CSMD1: variants seen among roughly 807,000 people sequenced by gnomAD.
CSMD1 encodes CUB and Sushi multiple domains 1, also known as CUB and sushi domain-containing protein 1.
A neutral mutation model predicts 417.5 loss-of-function variants in CSMD1; 213 were observed. The ratio of observed to expected loss-of-function variants is 0.51; its 90% CI spans 0.46 to 0.57. CSMD1 has a LOEUF of 0.57. CSMD1 is among the 20% of genes least tolerant of loss of function. The probability of loss-of-function intolerance (pLI) is 0.00; values close to 1 mark genes in which losing one functional copy is unlikely to be tolerated. For missense variants in CSMD1, 6,923 were observed against 4,529.7 expected, an observed-to-expected ratio of 1.53 and a Z score of -15.17; for synonymous variants, 2,862 against 1,736.8, an observed-to-expected ratio of 1.65 and a Z score of -16.11.
intron 2 of CSMD1, among the ~76,000 whole-genome samples, chr8:4,444,137 T>C (rs1272341766): frequency 6.6e-6 from 1 of 151,748 alleles, no homozygotes; most frequent in African/African-American, 2.4e-5. Flanking sequence ...AGGTCAGAAA[T>C]TTGAGACCAC....
intron 3 of CSMD1, among the ~76,000 whole-genome samples, chr8:4,115,111 T>G (rs889086277): frequency 1.3e-5 from 2 of 152,174 alleles, no homozygotes; most frequent in African/African-American, 2.4e-5. Flanking sequence ...AGATAAATCT[T>G]TCATGAAAAA....
intron 3 of CSMD1, among the ~76,000 whole-genome samples, chr8:4,396,093 T>A (rs926927063): frequency 1.3e-5 from 2 of 151,652 alleles, no homozygotes; most frequent in Non-Finnish European, 2.9e-5. Context: ...CCATCTCCAT[T>A]TGTGTTTAGT....
At chr8:4,384,888 G>A (rs1459605379) in intron 3 of CSMD1, among the ~76,000 whole-genome samples, 1 of 152,078 alleles carries the variant, frequency 6.6e-6, no homozygotes, top group Non-Finnish European at 1.5e-5. Context: ...AATTTCTGGT[G>A]ACTATCAACA....
intron 37 of CSMD1, among the ~76,000 whole-genome samples, chr8:3,169,638 T>C (rs777742639): frequency 1.3e-5 from 2 of 152,176 alleles, no homozygotes; most frequent in African/African-American, 2.4e-5. Context: ...CGCTTAACAA[T>C]AGTTAACATG....
intron 2 of CSMD1, among the ~76,000 whole-genome samples, chr8:4,471,747 A>G (rs1274783002): frequency 2.7e-5 from 4 of 147,320 alleles, no homozygotes; most frequent in Non-Finnish European, 6.1e-5. Flanking sequence ...AAAAGAAGTT[A>G]GACCCATTTC....
intron 26 of CSMD1, among the ~76,000 whole-genome samples, chr8:3,240,665 A>T (rs957960132): frequency 1.3e-4 from 20 of 152,224 alleles, no homozygotes; most frequent in Admixed American, 9.2e-4. Flanking sequence ...GGCTGGAATG[A>T]AAGGCGCAAA....
At chr8:4,857,452 C>G (rs568682945) in intron 1 of CSMD1, among the ~76,000 whole-genome samples, 4 of 152,064 alleles carry the variant, frequency 2.6e-5, no homozygotes, top group East Asian at 1.9e-4. Flanking sequence ...TACAAAAAAC[C>G]CTTCAAAAAA....
At chr8:4,599,501 A>G (rs1294405317) in intron 2 of CSMD1, among the ~76,000 whole-genome samples, 8 of 152,130 alleles carry the variant, frequency 5.3e-5, no homozygotes, top group Admixed American at 5.2e-4. Flanking sequence ...TAAATTATAT[A>G]AACCATCAGT....
chr8:3,227,476 C>G (rs1188853839), intron 27 of CSMD1, among the ~76,000 whole-genome samples: 1 of 152,032 alleles, frequency 6.6e-6, no homozygotes, highest in Admixed American at 6.6e-5. Flanking sequence ...TATTAATAAT[C>G]CTGATTTATT....
chr8:4,462,287 T>G (rs144204876), intron 2 of CSMD1, among the ~76,000 whole-genome samples: 428 of 152,180 alleles, frequency 2.8e-3, no homozygotes, highest in African/African-American at 8.5e-3. Flanking sequence ...AGGAATAAAT[T>G]TAACAAAATA....
intron 6 of CSMD1, among the ~76,000 whole-genome samples, chr8:3,711,261 C>T (rs1205794841): frequency 6.6e-6 from 1 of 152,122 alleles, no homozygotes; most frequent in Non-Finnish European, 1.5e-5. Context: ...CTGGAAAAAA[C>T]TGTTGTCATC....
chr8:3,186,926 G>C (rs760470006), intron 36 of CSMD1, among the ~76,000 whole-genome samples: 2 of 152,310 alleles, frequency 1.3e-5, no homozygotes, highest in Non-Finnish European at 2.9e-5. Flanking sequence ...AATTTTAGTA[G>C]AGACAGGGTT....
intron 1 of CSMD1, among the ~76,000 whole-genome samples, chr8:4,645,643 C>T (rs1024138590): frequency 4.1e-4 from 62 of 151,614 alleles, no homozygotes; most frequent in Non-Finnish European, 8.1e-4. Context: ...AAAGAGATGT[C>T]GAAGGTAGGA....
rs140339289 is a variant in CSMD1, at chr8:4,544,246, G to T, written c.302+93096C>A. ...CATCCTTGTGTGGTTATATAGTCTCGCATTTCATATTTAGGTCTATGAGCC... is the reference window on the plus strand; with the variant it reads ...CATCCTTGTGTGGTTATATAGTCTCTCATTTCATATTTAGGTCTATGAGCC... On this transcript the variant is annotated intron_variant, in intron 2 of 69. Transcript: ENST00000635120. Among the ~76,000 whole-genome samples, 47 of 152,016 alleles carry T rather than the reference G, an allele frequency of 3.1e-4. No homozygotes were observed. In the East Asian group the frequency reaches 7.9e-3, roughly 26 times the overall value.
chr8:3,741,885 T>C (rs1478980972), intron 6 of CSMD1, among the ~76,000 whole-genome samples: 5 of 152,200 alleles, frequency 3.3e-5, no homozygotes, highest in African/African-American at 1.2e-4. Flanking sequence ...TTCCAATTCC[T>C]TACCATGTGA....
In CSMD1 at chr8:3,127,125, C is replaced by A. The variant is rs143917661; in HGVS notation, c.6242-8538G>T. Among the ~76,000 whole-genome samples the A allele has an allele frequency of 4.7e-3, 722 of 152,314 alleles. 8 individuals are homozygous for A. Among genetic ancestry groups the A allele is most frequent in the African/African-American group, 0.016 (682 of 41,580 alleles). Reference sequence around the variant, plus strand: ...TCCTAGTTTCTAAGAGTCTTGTCCACAAACTAAGGGGAATCTTAGCCTTTT... The same window carrying A: ...TCCTAGTTTCTAAGAGTCTTGTCCAAAAACTAAGGGGAATCTTAGCCTTTT... On this transcript the variant is annotated intron_variant, in intron 41 of 69. Coordinates refer to ENST00000635120, the MANE Select transcript of CSMD1 (RefSeq NM_033225.6).
At chr8:3,970,464 C>A (rs552573466) in intron 5 of CSMD1, among the ~76,000 whole-genome samples, 1 of 152,284 alleles carries the variant, frequency 6.6e-6, no homozygotes, top group East Asian at 1.9e-4. Flanking sequence ...CTTGTCTCTT[C>A]TGTAAACCAG....
chr8:4,742,536 T>C (rs1184477625), intron 1 of CSMD1, among the ~76,000 whole-genome samples: 1 of 152,036 alleles, frequency 6.6e-6, no homozygotes, highest in Non-Finnish European at 1.5e-5. Flanking sequence ...AAATATATTA[T>C]TTAAATTAAA....
intron 2 of CSMD1, among the ~76,000 whole-genome samples, chr8:4,528,580 C>A (rs1052368954): frequency 1.3e-5 from 2 of 151,846 alleles, no homozygotes; most frequent in Non-Finnish European, 1.5e-5. Context: ...TTATTTGTAT[C>A]ACAAAATAAC....
Sources: allele counts gnomAD v4.1 joint callset (sites outside exome capture counted in the v4.1 genomes callset), GRCh38; gene constraint gnomAD v4.1.1; transcripts MANE v1.5; gene names NCBI Gene and HGNC (gene_info 2026-07-23, HGNC 2026-07-21).